Variants in CCNE1 observed in about 807,000 individuals in gnomAD.
CCNE1 encodes the protein G1/S-specific cyclin-E1.
CCNE1 carries 8 observed loss-of-function variants against 54.1 expected under a neutral mutation model. The observed-to-expected ratio is 0.15, with a 90% CI of 0.09 to 0.27. CCNE1 has a LOEUF of 0.27. CCNE1 is among the 10% of genes least tolerant of loss of function. The probability of loss-of-function intolerance (pLI) is 1.00; values close to 1 mark genes in which losing one functional copy is unlikely to be tolerated. For missense variants in CCNE1, 430 were observed against 514.9 expected (o/e 0.84, Z 1.60); for synonymous variants, 179 against 185.2 (o/e 0.97, Z 0.27).
At chr19:29,814,407 G>A (rs1373614343) in intron 4 of CCNE1, among the ~76,000 whole-genome samples, 1 of 152,188 alleles carries the variant, frequency 6.6e-6, no homozygotes, top group Non-Finnish European at 1.5e-5. Flanking sequence ...AGTGACGAGG[G>A]TGCCTCCTGG....
rs756490349 is a variant in CCNE1 at position 29,816,155 on chromosome 19, C to CAAAAAAA, written c.181-970_181-964dup. 9.6e-5 allele frequency among the ~76,000 whole-genome samples: 7 copies of CAAAAAAA among 73,238 alleles called. 1 individual carries two copies. Among genetic ancestry groups the CAAAAAAA allele is most frequent in the Admixed American group, 1.5e-4 (1 of 6,836 alleles). The allele number at this position is 73,238 out of a possible 152,430, so 48.0% of individuals were successfully genotyped here. A position where few individuals can be genotyped will look rare whatever the true frequency, so the allele number is the denominator to read the frequency against. ...TGGGGAACAGAGGGAGACCCTCTCT[C>CAAAAAAA]AAAAAAAAAAAAAAAAAAGCCAAGT... On this transcript the variant is annotated intron_variant, in intron 4 of 11. Coordinates refer to ENST00000262643, the MANE Select transcript of CCNE1 (RefSeq NM_001238.4).
Position 29,822,455 on chromosome 19 carries a change from G to T in CCNE1, c.962G>T (p.Trp321Leu), listed in dbSNP as rs2145729667. The T allele has an allele frequency of 6.2e-7, 1 of 1,614,002 alleles. No individual in the cohort carries two copies. The highest frequency in any genetic ancestry group is 8.5e-7 in the Non-Finnish European group (1 of 1,179,930). The change falls in exon 11 of 12, where the codon TGG (tryptophan) becomes TTG (leucine). Residue 321 changes from tryptophan to leucine, a missense_variant. Trp to Leu is a moderately conservative substitution (Grantham distance 61). Coordinates refer to ENST00000262643, the MANE Select transcript of CCNE1 (RefSeq NM_001238.4). ...GATGTCTTCACTGCAGGGTATCAGT[G>T]GTGCGACATAGAGAACTGTGTCAAG... ...ELMQKVSGYQ[W>L]CDIENCVKWM...
chr19:29,822,310 T>C lies in CCNE1; in HGVS notation c.911T>C (p.Leu304Ser). Residue 304 changes from leucine (L) to serine (S), a missense_variant, in exon 10 of 12, where the codon TTG (leucine) becomes TCG (serine). By Grantham distance (145) the Leu-to-Ser change is moderately radical. Coordinates refer to ENST00000262643, the MANE Select transcript of CCNE1 (RefSeq NM_001238.4). Reference sequence around the variant, plus strand: ...TATGGTATACTTGCTGCTTCGGCCTTGTATCATTTCTCGTCATCTGAATTG... The same window carrying C: ...TATGGTATACTTGCTGCTTCGGCCTCGTATCATTTCTCGTCATCTGAATTG... ...FPYGILAASA[L>S]YHFSSSELMQ... 6.2e-7 allele frequency: 1 copy of C among 1,614,176 alleles called. No individual in the cohort carries two copies. The highest frequency in any genetic ancestry group is 8.5e-7 in the Non-Finnish European group (1 of 1,180,018).
chr19:29,815,242 G>A (rs900727256), intron 4 of CCNE1, among the ~76,000 whole-genome samples: 1 of 152,350 alleles, frequency 6.6e-6, no homozygotes, highest in Non-Finnish European at 1.5e-5. Flanking sequence ...CCAGCATTAT[G>A]CCTTCAAGAC....
At chr19:29,820,636 T>C in intron 6 of CCNE1, 66 bp from the exon 7 acceptor site, 1 of 532,700 alleles carries the variant, frequency 1.9e-6, no homozygotes, top group Middle Eastern at 4.8e-4. Flanking sequence ...TCATTACAAG[T>C]TTTTTTTTTT....
In CCNE1 at chr19:29,817,192, A is replaced by G. The variant is rs767327617; in HGVS notation, c.236A>G (p.Asp79Gly). 2.5e-6 allele frequency: 4 copies of G among 1,614,166 alleles called. No homozygotes were observed. In the Admixed American group the frequency reaches 6.7e-5, roughly 27 times the overall value. Residue 79 changes from aspartate to glycine, a missense_variant, in exon 5 of 12, where the codon GAC becomes GGC. Physicochemically the swap from Asp to Gly is moderately conservative, Grantham distance 94. Transcript: ENST00000262643. ...ADPCSLIPTP[D>G]KEDDDRVYPN... ...CCCTGCTCCCTGATCCCCACACCTG[A>G]CAAAGAAGATGATGACCGGGTTTAC...
chr19:29,816,988 A>C, intron 4 of CCNE1, 149 bp from the exon 5 acceptor site: 1 of 789,726 alleles, frequency 1.3e-6, no homozygotes, highest in Non-Finnish European at 1.9e-6. Flanking sequence ...GAGTTGTGAC[A>C]AAAAATATCA....
At chr19:29,818,161 G>A (rs1974071081) in intron 6 of CCNE1, among the ~76,000 whole-genome samples, 1 of 151,972 alleles carries the variant, frequency 6.6e-6, no homozygotes, top group African/African-American at 2.4e-5. Context: ...CGAGTAGCTG[G>A]GACTACAGGC....
At chr19:29,816,739 A>C (rs960318071) in intron 4 of CCNE1, among the ~76,000 whole-genome samples, 1 of 152,144 alleles carries the variant, frequency 6.6e-6, no homozygotes, top group African/African-American at 2.4e-5. Flanking sequence ...TTTAGGGTAC[A>C]TGTGCACAAC....
Position 29,812,690 on chromosome 19 carries a change from GA to G in CCNE1, c.26del (p.Asp9ValfsTer8). Reference protein sequence around the residue: MPRERRERDAKERDTMKED... With the variant: MPRERRERXAKERDTMKED... ...GCCCGGTGCCACCCGGGTCCACAGG[GA>G]TGCGAAGGAGCGGGACACCATGAAG... On this transcript the variant is annotated frameshift_variant and splice_region_variant, in exon 3 of 12. Transcript: ENST00000262643. LOFTEE classifies it high-confidence loss of function. 1 of 1,585,756 alleles carries G rather than the reference GA, an allele frequency of 6.3e-7. No homozygotes were observed. Among genetic ancestry groups the G allele is most frequent in the Non-Finnish European group, 8.6e-7 (1 of 1,168,172 alleles).
In CCNE1 at chr19:29,820,725, C is replaced by T. The variant is rs781162822; in HGVS notation, c.486C>T (p.His162=). 1 of 1,611,606 alleles carries T rather than the reference C, an allele frequency of 6.2e-7. No individual in the cohort carries two copies. The highest frequency in any genetic ancestry group is 8.5e-7 in the Non-Finnish European group (1 of 1,178,652). Residue 162 remains histidine, a synonymous_variant, in exon 7 of 12, where the codon CAC becomes CAT. Coordinates refer to ENST00000262643, the MANE Select transcript of CCNE1 (RefSeq NM_001238.4). ...AGGTGTGTGAAGTCTATAAACTTCA[C>T]AGGGAGACCTTTTACTTGGCACAAG... The part of the protein sequence containing the change: ...LMEVCEVYKL[H]RETFYLAQDF...
At position 29,812,985 on chromosome 19, in the gene CCNE1, A is replaced by T. The variant is rs765951124; in HGVS notation, c.128A>T (p.Asp43Val). The T allele has an allele frequency of 6.2e-7, 1 of 1,614,042 alleles. No homozygotes were observed. Among genetic ancestry groups the T allele is most frequent in the South Asian group, 1.1e-5 (1 of 91,080 alleles). The stretch of plus-strand genomic sequence containing the variant: ...TCATGTTAGTTTTTGCAGGATCCAG[A>T]TGAAGAAATGGCCAAAATCGACAGG... ...ANVTVFLQDP[D>V]EEMAKIDRTA... The change falls in exon 4 of 12, where the codon GAT becomes GTT. Residue 43 changes from aspartate to valine, a missense_variant. Physicochemically the swap from Asp to Val is radical, Grantham distance 152. Around this residue, in one of 2 missense-constraint regions of CCNE1, gnomAD observed 127 missense variants for 113.8 expected, o/e 1.12. Transcript: ENST00000262643.
rs1300049336 is a variant in CCNE1 at position 29,822,140 on chromosome 19, T to C, written c.840+10T>C. The C allele has an allele frequency of 6.2e-7, 1 of 1,612,164 alleles. No individual in the cohort carries two copies. Among genetic ancestry groups the C allele is most frequent in the Non-Finnish European group, 8.5e-7 (1 of 1,179,096 alleles). On this transcript the variant is annotated intron_variant, in intron 9 of 11. Coordinates refer to ENST00000262643, the MANE Select transcript of CCNE1 (RefSeq NM_001238.4). Reference sequence around the variant, plus strand: ...TATACAGATTGCAGAGGTAAGTGGCTCCATCACGTCCGTGGGGCCACCTTC... The same window carrying C: ...TATACAGATTGCAGAGGTAAGTGGCCCCATCACGTCCGTGGGGCCACCTTC...
intron 1 of CCNE1, 87 bp downstream of exon 1, chr19:29,812,239 T>A (rs1973905558): frequency 1.3e-5 from 2 of 155,386 alleles, no homozygotes; most frequent in Admixed American, 6.6e-5. Context: ...TGCGGCCGGG[T>A]CGCGGGTCCC....
intron 4 of CCNE1, among the ~76,000 whole-genome samples, chr19:29,813,795 C>T (rs1204388739): frequency 6.6e-6 from 1 of 152,158 alleles, no homozygotes; most frequent in East Asian, 1.9e-4. Flanking sequence ...CTTGTACTAT[C>T]TCTTTACTTT....
chr19:29,823,958 T>C lies in CCNE1; in HGVS notation c.*181T>C, dbSNP rs777389026. On this transcript the variant is annotated 3_prime_UTR_variant, in exon 12 of 12. Transcript: ENST00000262643. ...CAAAGTGTTTTTTATTGAATGCTTA[T>C]AGGTTTTTTTTAAATAAGTGGGTCA... The C allele has an allele frequency of 6.5e-5, 39 of 604,144 alleles. No homozygotes were observed. Among genetic ancestry groups the C allele is most frequent in the Non-Finnish European group, 8.3e-5 (32 of 385,922 alleles). 37.4% of individuals were successfully genotyped at this position (604,144 alleles called of 1,614,324 possible). A position where few individuals can be genotyped will look rare whatever the true frequency, so the allele number is the denominator to read the frequency against.
In CCNE1 at chr19:29,812,076, G is replaced by GCGCCGCCGCCGCCACTGCCGTCGC. The variant is rs998974050; in HGVS notation, c.-90_-67dup. The GCGCCGCCGCCGCCACTGCCGTCGC allele has an allele frequency of 6.7e-6, 1 of 148,470 alleles. No homozygotes were observed. Among genetic ancestry groups the GCGCCGCCGCCGCCACTGCCGTCGC allele is most frequent in the Admixed American group, 6.8e-5 (1 of 14,798 alleles). The allele number at this position is 148,470 out of a possible 1,614,324, so 9.2% of individuals were successfully genotyped here. ...CGCGCGCTCGGCCCGCCGACTCCCG[G>GCGCCGCCGCCGCCACTGCCGTCGC]CGCCGCCGCCGCCACTGCCGTCGCC... On this transcript the variant is annotated 5_prime_UTR_variant, in exon 1 of 12. Transcript: ENST00000262643.
chr19:29,816,905 T>C (rs1974030435), intron 4 of CCNE1, among the ~76,000 whole-genome samples: 1 of 148,490 alleles, frequency 6.7e-6, no homozygotes, highest in African/African-American at 2.5e-5. Context: ...CTTATGTAAA[T>C]ATTTTTATTG....
intron 3 of CCNE1, 31 bp downstream of exon 3, chr19:29,812,807 T>TG (rs1568366239): frequency 1.3e-6 from 2 of 1,570,964 alleles, no homozygotes; most frequent in Non-Finnish European, 1.7e-6. Flanking sequence ...TTGGGGAGCA[T>TG]CCCCCCCATC....
Sources: allele counts gnomAD v4.1 joint callset (sites outside exome capture counted in the v4.1 genomes callset), GRCh38; gene constraint gnomAD v4.1.1; regional missense constraint gnomAD v4.1.1; transcripts MANE v1.5; gene names NCBI Gene and HGNC (gene_info 2026-07-23, HGNC 2026-07-21).